The following HHAT variants were observed in gnomAD, a reference collection of about 807,000 sequenced individuals.
HHAT encodes the protein hedgehog acyltransferase, also known as protein-cysteine N-palmitoyltransferase HHAT.
Under a neutral mutation model 70.8 loss-of-function variants are expected in HHAT, and 47 were observed. That is an observed-to-expected ratio of 0.66 (90% CI 0.53 to 0.85). HHAT has a LOEUF of 0.85. Among genes scored for constraint, HHAT ranks in the 40% least tolerant of loss-of-function variants. The pLI is 0.00. For synonymous variants in HHAT, 228 were observed against 247.6 expected, an observed-to-expected ratio of 0.92 and a Z score of 0.74; for missense variants, 609 against 604.8, an observed-to-expected ratio of 1.01 and a Z score of -0.07.
rs563684265 is a variant in HHAT, at chr1:210,474,843, T to TTTTG, written c.1007+10208_1007+10211dup. Among the ~76,000 whole-genome samples the TTTTG allele has an allele frequency of 9.4e-3, 1,426 of 151,468 alleles. 14 individuals are homozygous for TTTTG. The highest frequency in any genetic ancestry group is 0.019 in the African/African-American group (771 of 41,120). ...AGGTGTTTTTTTTTTTTTCCGTTTTTTTTGTTTGTTTGTTTGTTTGTTTTT... is the reference window on the plus strand; with the variant it reads ...AGGTGTTTTTTTTTTTTTCCGTTTTTTTTGTTTGTTTGTTTGTTTGTTTGTTTTT... On this transcript the variant is annotated intron_variant, in intron 8 of 11. Transcript: ENST00000261458.
At chr1:210,625,712 A>G (rs148190235) in intron 11 of HHAT, among the ~76,000 whole-genome samples, 10 of 152,334 alleles carry the variant, frequency 6.6e-5, no homozygotes, top group East Asian at 1.9e-4. Flanking sequence ...ATTTCTCACC[A>G]TAGAAGTTTG....
At chr1:210,500,047 A>G (rs1366535145) in intron 8 of HHAT, among the ~76,000 whole-genome samples, 1 of 152,210 alleles carries the variant, frequency 6.6e-6, no homozygotes, top group Non-Finnish European at 1.5e-5. Context: ...TCAATATAAA[A>G]GGAGGGAAAG....
At chr1:210,604,652 G>A (rs1665016639) in intron 10 of HHAT, among the ~76,000 whole-genome samples, 1 of 152,092 alleles carries the variant, frequency 6.6e-6, no homozygotes, top group Non-Finnish European at 1.5e-5. Flanking sequence ...AAATTATTGA[G>A]AGAGAGGTGA....
intron 4 of HHAT, among the ~76,000 whole-genome samples, chr1:210,399,186 T>C (rs1207547914): frequency 2.0e-5 from 3 of 152,242 alleles, no homozygotes; most frequent in Non-Finnish European, 4.4e-5. Context: ...CATTTCCCTA[T>C]GGGAATAACA....
intron 11 of HHAT, among the ~76,000 whole-genome samples, chr1:210,665,643 A>G (rs1247321097): frequency 6.6e-6 from 1 of 152,224 alleles, no homozygotes; most frequent in East Asian, 1.9e-4. Context: ...TATTAATGCT[A>G]GATAAATCGT....
At chr1:210,454,800 C>T (rs904055860) in intron 7 of HHAT, among the ~76,000 whole-genome samples, 1 of 152,130 alleles carries the variant, frequency 6.6e-6, no homozygotes, top group Admixed American at 6.5e-5. Flanking sequence ...GTGGTTTGAG[C>T]CCGTTAAGAA....
intron 6 of HHAT, among the ~76,000 whole-genome samples, 161 bp downstream of exon 6, chr1:210,404,840 A>G (rs1217491544): frequency 6.6e-6 from 1 of 152,170 alleles, no homozygotes; most frequent in Non-Finnish European, 1.5e-5. Context: ...GATGAAATAC[A>G]TATGAGAAAT....
At chr1:210,517,319 G>T (rs557833267) in intron 9 of HHAT, among the ~76,000 whole-genome samples, 1 of 152,152 alleles carries the variant, frequency 6.6e-6, no homozygotes, top group South Asian at 2.1e-4. Flanking sequence ...TAGATATGGG[G>T]TTTTGCCATG....
chr1:210,474,567 T>C (rs892930977), intron 8 of HHAT, among the ~76,000 whole-genome samples: 5 of 152,244 alleles, frequency 3.3e-5, no homozygotes, highest in African/African-American at 1.2e-4. Flanking sequence ...CCATAGTCTG[T>C]ATTTCCTATG....
chr1:210,615,944 A>G (rs1356608206), intron 10 of HHAT, among the ~76,000 whole-genome samples: 2 of 152,084 alleles, frequency 1.3e-5, no homozygotes, highest in African/African-American at 4.8e-5. Flanking sequence ...TGCTGGGAGA[A>G]CCACTACTCT....
At position 210,624,188 on chromosome 1, in the gene HHAT, T is replaced by C. The variant is rs556975527; in HGVS notation, c.1390+518T>C. Among the ~76,000 whole-genome samples, 79 of 152,240 alleles carry C rather than the reference T, an allele frequency of 5.2e-4. No homozygotes were observed. The Middle Eastern group carries it at 0.01, about 20-fold the overall frequency. On this transcript the variant is annotated intron_variant, in intron 11 of 11. Transcript: ENST00000261458. ...CAAGAAGAGGAAGAAAGACCTGAGA[T>C]AGGATGCTCAGCCTCCTCATCACGT...
rs1380308921 is a variant in HHAT, at chr1:210,534,987, C to G, written c.1043+21799C>G. ...ATGGGAGTACTGCTAGCAGGATGCA[C>G]TGCTGAAGTCACTCCTTGTTAGAGG... On this transcript the variant is annotated intron_variant, in intron 9 of 11. Coordinates refer to ENST00000261458, the MANE Select transcript of HHAT (RefSeq NM_018194.6). Among the ~76,000 whole-genome samples the G allele has an allele frequency of 2.6e-5, 4 of 152,290 alleles. No individual in the cohort carries two copies. The South Asian group carries it at 6.2e-4, about 24-fold the overall frequency.
intron 3 of HHAT, among the ~76,000 whole-genome samples, 194 bp downstream of exon 3, chr1:210,363,113 A>T (rs2294847): frequency 0.81 from 123,465 of 152,152 alleles, 50,823 homozygotes; most frequent in African/African-American, 0.95. Context: ...TGTCCCCTGT[A>T]CTCTTCTGAA....
chr1:210,587,826 G>A, intron 9 of HHAT, 72 bp from the exon 10 acceptor site: 3 of 1,122,424 alleles, frequency 2.7e-6, no homozygotes. Context: ...TGACAGGATA[G>A]TCAAGCTGGG....
intron 7 of HHAT, among the ~76,000 whole-genome samples, chr1:210,450,822 G>A (rs1053068848): frequency 2.0e-5 from 3 of 152,000 alleles, no homozygotes; most frequent in Admixed American, 6.6e-5. Context: ...TACACTATGG[G>A]ATAGGGTGGT....
rs1338988797 is a variant in HHAT, at chr1:210,465,957, TTG to T, written c.1007+1303_1007+1304del. Among the ~76,000 whole-genome samples the T allele has an allele frequency of 4.1e-3, 190 of 46,574 alleles. 93 individuals are homozygous for T. Among genetic ancestry groups the T allele is most frequent in the Non-Finnish European group, 2.7e-3 (65 of 24,180 alleles). 30.6% of individuals were successfully genotyped at this position (46,574 alleles called of 152,430 possible). ...ATTGCAAGGAATGAATTGCAAGGAATTGCAAGGAATGAATTGCAAGGAATTGC... is the reference window on the plus strand; with the variant it reads ...ATTGCAAGGAATGAATTGCAAGGAATCAAGGAATGAATTGCAAGGAATTGC... On this transcript the variant is annotated intron_variant, in intron 8 of 11. Coordinates refer to ENST00000261458, the MANE Select transcript of HHAT (RefSeq NM_018194.6).
At chr1:210,605,912 A>G (rs770275976) in intron 10 of HHAT, among the ~76,000 whole-genome samples, 2 of 151,382 alleles carry the variant, frequency 1.3e-5, no homozygotes, top group African/African-American at 2.4e-5. Context: ...GCTGGAGTGC[A>G]GTGGCTTGAT....
At chr1:210,411,957 T>C (rs887541423) in intron 6 of HHAT, among the ~76,000 whole-genome samples, 2 of 152,150 alleles carry the variant, frequency 1.3e-5, no homozygotes, top group African/African-American at 4.8e-5. Flanking sequence ...CTTCTGAGCA[T>C]CAGAAATTTA....
intron 3 of HHAT, among the ~76,000 whole-genome samples, chr1:210,377,790 C>T (rs925879961): frequency 7.2e-5 from 11 of 152,154 alleles, no homozygotes; most frequent in Admixed American, 2.6e-4. Flanking sequence ...GCTTCTGTGG[C>T]GAGGGGCAAT....
Sources: allele counts gnomAD v4.1 joint callset (sites outside exome capture counted in the v4.1 genomes callset), GRCh38; gene constraint gnomAD v4.1.1; transcripts MANE v1.5; gene names NCBI Gene and HGNC (gene_info 2026-07-23, HGNC 2026-07-21).